Variants in SLC10A7 observed in about 807,000 individuals in gnomAD.
SLC10A7 encodes the protein sodium/bile acid cotransporter 7.
SLC10A7 carries 29 observed loss-of-function variants against 43.2 expected under a neutral mutation model. That is an observed-to-expected ratio of 0.67 (90% confidence interval 0.50 to 0.92). The LOEUF is 0.92. Ranked by LOEUF, SLC10A7 falls within the 40% of genes least tolerant of loss-of-function variation. The probability of loss-of-function intolerance (pLI) is 0.00; values close to 1 mark genes in which losing one functional copy is unlikely to be tolerated. For missense variants in SLC10A7, 295 were observed against 403.2 expected (o/e 0.73, Z 2.30); for synonymous variants, 152 against 144.8 (o/e 1.05, Z -0.35).
rs191822650 is a variant in SLC10A7 at position 146,425,555 on chromosome 4, G to A, written c.435+17228C>T. 1.2e-3 allele frequency among the ~76,000 whole-genome samples: 180 copies of A among 152,140 alleles called. 2 individuals are homozygous for A. Among genetic ancestry groups the A allele is most frequent in the African/African-American group, 4.3e-3 (178 of 41,510 alleles). On this transcript the variant is annotated intron_variant, in intron 5 of 11. Coordinates refer to ENST00000335472, the MANE Select transcript of SLC10A7 (RefSeq NM_001029998.6). ...CATATTGGTCAGCGCAACTATAGACGATACAAAATGGAAATACTAATGTAC... is the reference window on the plus strand; with the variant it reads ...CATATTGGTCAGCGCAACTATAGACAATACAAAATGGAAATACTAATGTAC...
chr4:146,326,319 C>T (rs1395395614), intron 5 of SLC10A7, among the ~76,000 whole-genome samples: 1 of 152,178 alleles, frequency 6.6e-6, no homozygotes, highest in African/African-American at 2.4e-5. Flanking sequence ...TTCCTCACTC[C>T]AAGGCTTTCA....
At chr4:146,335,922 T>G (rs1242045596) in intron 5 of SLC10A7, among the ~76,000 whole-genome samples, 2 of 152,074 alleles carry the variant, frequency 1.3e-5, no homozygotes, top group East Asian at 1.9e-4. Context: ...TGAAATGTGA[T>G]CTAAGCGCCA....
intron 4 of SLC10A7, chr4:146,477,731 A>T (rs1357019977): frequency 6.6e-6 from 1 of 152,212 alleles, no homozygotes; most frequent in East Asian, 1.9e-4. Context: ...GGAAGCTGTG[A>T]TCTAAAAATC....
chr4:146,488,015 T>C (rs1735066441), intron 4 of SLC10A7, among the ~76,000 whole-genome samples: 2 of 152,044 alleles, frequency 1.3e-5, no homozygotes, highest in Admixed American at 6.6e-5. Context: ...AGTGGAACTC[T>C]GTCTCTACGA....
At chr4:146,366,342 A>T (rs564707943) in intron 5 of SLC10A7, among the ~76,000 whole-genome samples, 1 of 152,328 alleles carries the variant, frequency 6.6e-6, no homozygotes, top group East Asian at 1.9e-4. Flanking sequence ...CTGTAGCAGG[A>T]CATATTAATA....
rs542459030 is a variant in SLC10A7 at position 146,304,656 on chromosome 4, A to G, written c.555+1270T>C. 5.9e-5 allele frequency among the ~76,000 whole-genome samples: 9 copies of G among 151,994 alleles called. No individual in the cohort carries two copies. The East Asian group carries it at 1.7e-3, about 29-fold the overall frequency. ...CTGCTCTTTCACATTTGCTGAGGAGAGCTTTACTTCCAAGTATGTGGTCAA... is the reference window on the plus strand; with the variant it reads ...CTGCTCTTTCACATTTGCTGAGGAGGGCTTTACTTCCAAGTATGTGGTCAA... On this transcript the variant is annotated intron_variant, in intron 7 of 11. Coordinates refer to ENST00000335472, the MANE Select transcript of SLC10A7 (RefSeq NM_001029998.6).
intron 4 of SLC10A7, among the ~76,000 whole-genome samples, chr4:146,443,845 CATAATTAAT>C (rs1284370321): frequency 6.6e-6 from 1 of 152,178 alleles, no homozygotes; most frequent in African/African-American, 2.4e-5. Context: ...TATTCCAGTT[CATAATTAAT>C]TCAAAGCTTT....
chr4:146,427,341 T>C (rs1479497385), intron 5 of SLC10A7, among the ~76,000 whole-genome samples: 1 of 152,248 alleles, frequency 6.6e-6, no homozygotes, highest in South Asian at 2.1e-4. Context: ...GAAAGAAAAG[T>C]ATTCTTCTTA....
Position 146,482,185 on chromosome 4 carries a change from A to G in SLC10A7, c.396+21664T>C, listed in dbSNP as rs77957457. 1.1e-3 allele frequency among the ~76,000 whole-genome samples: 169 copies of G among 152,336 alleles called. 1 individual carries two copies. Among genetic ancestry groups the G allele is most frequent in the African/African-American group, 3.9e-3 (163 of 41,572 alleles). ...CGTACCATCAGATGCACAGACATCA[A>G]TGCAAAAACACAAGACACATGAAAA... On this transcript the variant is annotated intron_variant, in intron 4 of 11. Transcript: ENST00000335472.
intron 5 of SLC10A7, among the ~76,000 whole-genome samples, chr4:146,424,726 A>T (rs1194834815): frequency 6.6e-6 from 1 of 152,130 alleles, no homozygotes; most frequent in Non-Finnish European, 1.5e-5. Flanking sequence ...TTAAATATAA[A>T]ACCATATTTG....
At chr4:146,469,095 C>T (rs9308202) in intron 4 of SLC10A7, among the ~76,000 whole-genome samples, 109,681 of 151,980 alleles carry the variant, frequency 0.72, 39,831 homozygotes, top group East Asian at 0.83. Flanking sequence ...AGAGCACAGT[C>T]ACTGGAGAGG....
At chr4:146,304,776 C>A (rs1449166331) in intron 7 of SLC10A7, among the ~76,000 whole-genome samples, 1 of 152,080 alleles carries the variant, frequency 6.6e-6, no homozygotes, top group African/African-American at 2.4e-5. Context: ...CCTCTTGGTG[C>A]AGAGCTGAGT....
intron 4 of SLC10A7, among the ~76,000 whole-genome samples, chr4:146,465,087 T>C (rs1476455287): frequency 6.6e-6 from 1 of 152,140 alleles, no homozygotes; most frequent in Admixed American, 6.5e-5. Context: ...ACAATTTGTT[T>C]GTTAAAAAGT....
intron 10 of SLC10A7, among the ~76,000 whole-genome samples, chr4:146,267,149 TG>T: frequency 6.6e-6 from 1 of 152,296 alleles, no homozygotes; most frequent in Admixed American, 6.5e-5. Flanking sequence ...TGAAAAAAGA[TG>T]TTAGATAAAA....
chr4:146,288,323 C>A (rs188550804), intron 9 of SLC10A7, among the ~76,000 whole-genome samples: 16 of 152,272 alleles, frequency 1.1e-4, no homozygotes, highest in African/African-American at 3.6e-4. Flanking sequence ...ACAGCATAAG[C>A]ATTATTGAGC....
chr4:146,413,501 T>C (rs1728345920), intron 5 of SLC10A7, among the ~76,000 whole-genome samples: 1 of 152,166 alleles, frequency 6.6e-6, no homozygotes, highest in Admixed American at 6.5e-5. Flanking sequence ...CTTTCTATTT[T>C]CAGTATTTTA....
At chr4:146,493,506 A>G (rs1377215872) in intron 4 of SLC10A7, among the ~76,000 whole-genome samples, 1 of 149,460 alleles carries the variant, frequency 6.7e-6, no homozygotes, top group Non-Finnish European at 1.5e-5. Context: ...AAAAAGAGAG[A>G]GAGGGAGAGA....
intron 4 of SLC10A7, among the ~76,000 whole-genome samples, chr4:146,486,809 T>G (rs552049534): frequency 1.3e-5 from 2 of 152,330 alleles, no homozygotes; most frequent in African/African-American, 4.8e-5. Flanking sequence ...GGCAGTCTTC[T>G]CTTTTAAATC....
In SLC10A7 at chr4:146,305,917, A is replaced by T. The variant is rs1231327516; in HGVS notation, c.555+9T>A. Reference sequence around the variant, plus strand: ...TAAAGAAAAGATCAGATAGAATTGGAGGCCTTACCTGTCCAATGATGAGAG... The same window carrying T: ...TAAAGAAAAGATCAGATAGAATTGGTGGCCTTACCTGTCCAATGATGAGAG... On this transcript the variant is annotated intron_variant, in intron 7 of 11. Coordinates refer to ENST00000335472, the MANE Select transcript of SLC10A7 (RefSeq NM_001029998.6). 2 of 1,592,118 alleles carry T rather than the reference A, an allele frequency of 1.3e-6. No homozygotes were observed. Among genetic ancestry groups the T allele is most frequent in the African/African-American group, 2.7e-5 (2 of 73,606 alleles).
Sources: gnomAD v4.1 joint callset for allele counts (sites outside exome capture counted in the v4.1 genomes callset) on GRCh38, gnomAD v4.1.1 for gene constraint, MANE v1.5 for transcripts, NCBI Gene and HGNC (gene_info 2026-07-23, HGNC 2026-07-21) for gene names.